PLCB1: variants seen among roughly 807,000 people sequenced by gnomAD.
PLCB1 encodes 1-phosphatidylinositol 4,5-bisphosphate phosphodiesterase beta-1.
In PLCB1, 46 loss-of-function variants were observed where a neutral mutation model predicts 161.8. The observed-to-expected ratio is 0.28, with a 90% CI of 0.22 to 0.36. The LOEUF (loss-of-function observed/expected upper bound fraction) is 0.36. Ranked by LOEUF, PLCB1 falls within the 10% of genes least tolerant of loss-of-function variation. PLCB1 has a pLI of 1.00. For missense variants in PLCB1, 1,016 were observed against 1,472.5 expected (o/e 0.69, Z 5.07); for synonymous variants, 517 against 503.7 (o/e 1.03, Z -0.35).
chr20:8,648,084 T>TCACA (rs1057407980), intron 6 of PLCB1, 131 bp downstream of exon 6: 7 of 603,190 alleles, frequency 1.2e-5, no homozygotes, highest in African/African-American at 1.1e-4. Flanking sequence ...CTGTCCTCCC[T>TCACA]CACACATGTC....
intron 3 of PLCB1, among the ~76,000 whole-genome samples, chr20:8,441,081 G>A (rs1029347305): frequency 6.6e-6 from 1 of 152,142 alleles, no homozygotes; most frequent in Non-Finnish European, 1.5e-5. Context: ...AGCATTACAA[G>A]AAATCCAGTA....
intron 14 of PLCB1, among the ~76,000 whole-genome samples, chr20:8,719,632 G>A (rs190188024): frequency 5.1e-4 from 78 of 152,192 alleles, no homozygotes; most frequent in Non-Finnish European, 9.1e-4. Flanking sequence ...TAGAAGTCAG[G>A]ATAATGGGTT....
rs182297408 is a variant in PLCB1, at chr20:8,682,280, C to T, written c.863-2652C>T. Among the ~76,000 whole-genome samples the T allele has an allele frequency of 9.5e-4, 144 of 152,118 alleles. 1 individual carries two copies. In the East Asian group the frequency reaches 0.011, roughly 12 times the overall value. On this transcript the variant is annotated intron_variant, in intron 9 of 31. Coordinates refer to ENST00000338037, the MANE Select transcript of PLCB1 (RefSeq NM_015192.4). ...CTTTGGGAGGCTGTGGTGGGAGGAT[C>T]GCTTGAGTACAGGTGTTCAAGACCA...
chr20:8,823,905 A>G (rs1451702002), intron 31 of PLCB1, among the ~76,000 whole-genome samples: 1 of 151,706 alleles, frequency 6.6e-6, no homozygotes, highest in Non-Finnish European at 1.5e-5. Flanking sequence ...ATTGTCTGCC[A>G]GTGATAATTT....
chr20:8,795,831 C>T (rs1172387398), intron 31 of PLCB1, among the ~76,000 whole-genome samples: 10 of 149,612 alleles, frequency 6.7e-5, no homozygotes, highest in East Asian at 4.0e-4. Flanking sequence ...GCCGAGATCG[C>T]GCCACTGCAT....
intron 31 of PLCB1, among the ~76,000 whole-genome samples, chr20:8,816,852 T>G (rs1227289421): frequency 6.6e-6 from 1 of 152,206 alleles, no homozygotes; most frequent in Admixed American, 6.5e-5. Context: ...GTGATAAAAG[T>G]TAGTTTTAAA....
chr20:8,566,808 CTTT>C (rs57718112), intron 3 of PLCB1, among the ~76,000 whole-genome samples: 1 of 130,890 alleles, frequency 7.6e-6, no homozygotes, highest in African/African-American at 2.9e-5. Flanking sequence ...TAAATCACTT[CTTT>C]TTTTTTTTTT....
intron 2 of PLCB1, among the ~76,000 whole-genome samples, chr20:8,298,303 A>C (rs1983731924): frequency 6.6e-6 from 1 of 151,718 alleles, no homozygotes; most frequent in Non-Finnish European, 1.5e-5. Flanking sequence ...TCAAAAAAAA[A>C]AAAAAAAGAT....
At chr20:8,692,671 A>C (rs1399930633) in intron 10 of PLCB1, among the ~76,000 whole-genome samples, 1 of 152,172 alleles carries the variant, frequency 6.6e-6, no homozygotes, top group Non-Finnish European at 1.5e-5. Context: ...CATTAATATC[A>C]TGGAAGACCC....
chr20:8,147,948 C>A (rs1219965323), intron 1 of PLCB1, among the ~76,000 whole-genome samples: 2 of 148,910 alleles, frequency 1.3e-5, no homozygotes, highest in East Asian at 4.0e-4. Flanking sequence ...TCTCAGCTCA[C>A]TGCAAGCTCT....
At chr20:8,235,189 A>G (rs1980257267) in intron 2 of PLCB1, among the ~76,000 whole-genome samples, 1 of 152,096 alleles carries the variant, frequency 6.6e-6, no homozygotes, top group African/African-American at 2.4e-5. Flanking sequence ...CCATTTAGAG[A>G]TATATGTGGA....
At chr20:8,772,776 T>TA (rs1302527642) in intron 26 of PLCB1, among the ~76,000 whole-genome samples, 2 of 151,590 alleles carry the variant, frequency 1.3e-5, no homozygotes, top group Non-Finnish European at 2.9e-5. Context: ...CTACTAAAAA[T>TA]AAAAAAATTA....
At chr20:8,318,426 C>T (rs1222086295) in intron 2 of PLCB1, among the ~76,000 whole-genome samples, 1 of 151,750 alleles carries the variant, frequency 6.6e-6, no homozygotes, top group Non-Finnish European at 1.5e-5. Flanking sequence ...CTGAACCTTT[C>T]ATTTCATAGA....
chr20:8,157,496 T>C (rs1397629490), intron 2 of PLCB1, among the ~76,000 whole-genome samples: 3 of 152,228 alleles, frequency 2.0e-5, no homozygotes, highest in African/African-American at 7.2e-5. Flanking sequence ...GAGGAACAAA[T>C]CTATCCTCAC....
At chr20:8,322,333 G>T (rs1309848582) in intron 2 of PLCB1, among the ~76,000 whole-genome samples, 2 of 151,986 alleles carry the variant, frequency 1.3e-5, no homozygotes, top group Non-Finnish European at 2.9e-5. Flanking sequence ...ATTATTTTCT[G>T]ATATTTTCAT....
At chr20:8,659,545 A>G (rs796484531) in intron 9 of PLCB1, among the ~76,000 whole-genome samples, 7 of 152,308 alleles carry the variant, frequency 4.6e-5, no homozygotes, top group African/African-American at 1.7e-4. Context: ...TCAATTATAT[A>G]TTAATATGCA....
chr20:8,235,423 A>G (rs1214002361), intron 2 of PLCB1, among the ~76,000 whole-genome samples: 2 of 152,152 alleles, frequency 1.3e-5, no homozygotes, highest in Non-Finnish European at 2.9e-5. Context: ...TATTACTTCT[A>G]CAGATAAAAA....
chr20:8,444,196 C>T (rs1373738725), intron 3 of PLCB1, among the ~76,000 whole-genome samples: 1 of 152,012 alleles, frequency 6.6e-6, no homozygotes, highest in African/African-American at 2.4e-5. Flanking sequence ...CACCTCCCCC[C>T]ACCACATGAC....
At chr20:8,758,894 C>T (rs555421818) in intron 24 of PLCB1, among the ~76,000 whole-genome samples, 164 of 152,268 alleles carry the variant, frequency 1.1e-3, no homozygotes, top group African/African-American at 3.3e-3. Context: ...TAACATCTCA[C>T]GGGATCATGG....
Sources: gnomAD v4.1 joint callset for allele counts (sites outside exome capture counted in the v4.1 genomes callset) on GRCh38, gnomAD v4.1.1 for gene constraint, MANE v1.5 for transcripts, NCBI Gene and HGNC (gene_info 2026-07-23, HGNC 2026-07-21) for gene names.